DTD1: variants seen among roughly 807,000 people sequenced by gnomAD.
The protein encoded by DTD1 is D-aminoacyl-tRNA deacylase 1, also known as D-tyrosyl-tRNA deacylase 1 homolog.
A neutral mutation model predicts 25.6 loss-of-function variants in DTD1; 13 were observed. The observed-to-expected ratio is 0.51, with a 90% CI of 0.33 to 0.81. The LOEUF is 0.81. DTD1 is among the 30% of genes least tolerant of loss of function. The pLI, the probability that DTD1 is intolerant of heterozygous loss-of-function variation, is 0.02. For missense variants in DTD1, 193 were observed against 266.4 expected (o/e 0.72, Z 1.92); for synonymous variants, 110 against 103.6 (o/e 1.06, Z -0.37).
At chr20:18,698,657 T>C (rs1025713858) in intron 4 of DTD1, 1 of 152,318 alleles carries the variant, frequency 6.6e-6, no homozygotes, top group Non-Finnish European at 1.5e-5. Context: ...GCTGTGATGC[T>C]GCTGCTCAGC....
At chr20:18,625,180 C>T (rs2060752098) in intron 3 of DTD1, among the ~76,000 whole-genome samples, 1 of 152,216 alleles carries the variant, frequency 6.6e-6, no homozygotes, top group South Asian at 2.1e-4. Flanking sequence ...CACAAGAGCC[C>T]CAGGTCTGCC....
intron 3 of DTD1, among the ~76,000 whole-genome samples, chr20:18,607,745 G>T (rs544790967): frequency 6.7e-5 from 10 of 150,116 alleles, no homozygotes; most frequent in Non-Finnish European, 1.3e-4. Context: ...ATAGAGTCTC[G>T]CTTGGTCACT....
intron 4 of DTD1, among the ~76,000 whole-genome samples, chr20:18,663,683 A>G (rs6035099): frequency 0.83 from 126,304 of 152,184 alleles, 53,533 homozygotes; most frequent in Non-Finnish European, 0.93. Flanking sequence ...AGAAATACCC[A>G]AGACTGGTTA....
At position 18,740,192 on chromosome 20, in the gene DTD1, A is replaced by C. The variant is rs142518897; in HGVS notation, c.478-3908A>C. Among the ~76,000 whole-genome samples the C allele has an allele frequency of 8.4e-3, 1,285 of 152,284 alleles. 7 individuals are homozygous for C. Among genetic ancestry groups the C allele is most frequent in the South Asian group, 0.024 (115 of 4,826 alleles). On this transcript the variant is annotated intron_variant, in intron 4 of 5. Transcript: ENST00000377452. ...GTCCTCTCTGGATCTGGTTCTCAAT[A>C]GCATAAAAGAGTACAAAGTGAAGAA...
chr20:18,759,028 G>C (rs2061350466), intron 5 of DTD1, among the ~76,000 whole-genome samples: 1 of 152,182 alleles, frequency 6.6e-6, no homozygotes, highest in Non-Finnish European at 1.5e-5. Flanking sequence ...TTGGTTTAAA[G>C]TGTGTTTTAT....
Position 18,634,019 on chromosome 20 carries a change from C to T in DTD1, c.477+5786C>T, listed in dbSNP as rs75016498. ...CCAAATGACATATTTCCAAAGGGAACAGGACATGGAAGCAGCAGCAGAACC... is the reference window on the plus strand; with the variant it reads ...CCAAATGACATATTTCCAAAGGGAATAGGACATGGAAGCAGCAGCAGAACC... On this transcript the variant is annotated intron_variant, in intron 4 of 5. Transcript: ENST00000377452. 7.9e-3 allele frequency among the ~76,000 whole-genome samples: 1,198 copies of T among 152,332 alleles called. 8 individuals are homozygous for T. Among genetic ancestry groups the T allele is most frequent in the Middle Eastern group, 0.014 (4 of 294 alleles).
chr20:18,616,046 G>A lies in DTD1; in HGVS notation c.371-12081G>A, dbSNP rs367774723. On this transcript the variant is annotated intron_variant, in intron 3 of 5. Transcript: ENST00000377452. ...AGCCTGTTCTATATACTTTGGCAAA[G>A]ACTGTGATGCCAAAGGCATTATTTT... 1.6e-3 allele frequency among the ~76,000 whole-genome samples: 245 copies of A among 152,322 alleles called. 9 individuals are homozygous for A. In the South Asian group the frequency reaches 0.048, roughly 30 times the overall value.
At chr20:18,651,043 A>G (rs1268999990) in intron 4 of DTD1, among the ~76,000 whole-genome samples, 1 of 152,234 alleles carries the variant, frequency 6.6e-6, no homozygotes, top group African/African-American at 2.4e-5. Flanking sequence ...AGAGAACCTG[A>G]TTATTTATGG....
intron 4 of DTD1, among the ~76,000 whole-genome samples, chr20:18,730,219 A>T (rs1043366206): frequency 6.6e-6 from 1 of 152,180 alleles, no homozygotes; most frequent in Non-Finnish European, 1.5e-5. Context: ...ATGGGTATTT[A>T]AGTGGTTCCA....
Position 18,635,817 on chromosome 20 carries a change from T to C in DTD1, c.477+7584T>C, listed in dbSNP as rs543469683. ...TGACTGTCTCTTTGTTGGGGACCCA[T>C]TGATGAATTGATTAATCAATTGACT... On this transcript the variant is annotated intron_variant, in intron 4 of 5. Coordinates refer to ENST00000377452, the MANE Select transcript of DTD1 (RefSeq NM_080820.6). Among the ~76,000 whole-genome samples, 20 of 152,322 alleles carry C rather than the reference T, an allele frequency of 1.3e-4. No homozygotes were observed. In the South Asian group the frequency reaches 1.5e-3, roughly 11 times the overall value.
At chr20:18,723,476 T>C (rs2061212814) in intron 4 of DTD1, among the ~76,000 whole-genome samples, 1 of 152,254 alleles carries the variant, frequency 6.6e-6, no homozygotes, top group African/African-American at 2.4e-5. Flanking sequence ...AAAGCAGGAA[T>C]GTTCCAAGGA....
intron 4 of DTD1, among the ~76,000 whole-genome samples, chr20:18,690,474 G>A (rs2061041632): frequency 1.3e-5 from 2 of 152,158 alleles, no homozygotes; most frequent in Non-Finnish European, 2.9e-5. Flanking sequence ...TTTATAGTTC[G>A]AGGTCTTACA....
At chr20:18,713,090 A>G (rs142906362) in intron 4 of DTD1, among the ~76,000 whole-genome samples, 2 of 152,332 alleles carry the variant, frequency 1.3e-5, no homozygotes, top group South Asian at 2.1e-4. Flanking sequence ...GGGGCTCACC[A>G]TAGCCTCTGC....
chr20:18,729,496 G>A (rs1340250169), intron 4 of DTD1, among the ~76,000 whole-genome samples: 1 of 152,166 alleles, frequency 6.6e-6, no homozygotes, highest in East Asian at 1.9e-4. Flanking sequence ...CTTTTGAAGA[G>A]CACTTCATTT....
At chr20:18,711,942 G>C (rs2061160587) in intron 4 of DTD1, among the ~76,000 whole-genome samples, 1 of 151,842 alleles carries the variant, frequency 6.6e-6, no homozygotes, top group South Asian at 2.1e-4. Flanking sequence ...GGGGGCACGT[G>C]CCTGTAATCC....
At chr20:18,702,576 G>T (rs981832848) in intron 4 of DTD1, among the ~76,000 whole-genome samples, 1 of 152,096 alleles carries the variant, frequency 6.6e-6, no homozygotes, top group African/African-American at 2.4e-5. Flanking sequence ...GTAATATCAG[G>T]TGTTGTGGCT....
chr20:18,591,663 C>G (rs1351443542), intron 1 of DTD1, among the ~76,000 whole-genome samples: 1 of 151,526 alleles, frequency 6.6e-6, no homozygotes, highest in Non-Finnish European at 1.5e-5. Flanking sequence ...ATATATAATC[C>G]TTACTTTGAT....
At chr20:18,679,352 C>T (rs1371295384) in intron 4 of DTD1, among the ~76,000 whole-genome samples, 2 of 152,118 alleles carry the variant, frequency 1.3e-5, no homozygotes, top group East Asian at 3.9e-4. Flanking sequence ...TCTCTCCCAC[C>T]TTATTATAGT....
chr20:18,703,322 G>A (rs1266778452), intron 4 of DTD1, among the ~76,000 whole-genome samples: 3 of 152,092 alleles, frequency 2.0e-5, no homozygotes, highest in Non-Finnish European at 4.4e-5. Flanking sequence ...GTGGAGACCT[G>A]TCTTGATCTT....
Sources: gnomAD v4.1 joint callset for allele counts (sites outside exome capture counted in the v4.1 genomes callset) on GRCh38, gnomAD v4.1.1 for gene constraint, MANE v1.5 for transcripts, NCBI Gene and HGNC (gene_info 2026-07-23, HGNC 2026-07-21) for gene names.